The following THAP6 variants were observed in gnomAD, a reference collection of about 807,000 sequenced individuals.
THAP6 encodes THAP domain containing 6, also known as THAP domain-containing protein 6.
A neutral mutation model predicts 20.0 loss-of-function variants in THAP6; 13 were observed. That is an observed-to-expected ratio of 0.65 (90% CI 0.42 to 1.03). THAP6 has a LOEUF of 1.03. Among genes scored for constraint, THAP6 ranks in the 50% least tolerant of loss-of-function variants. The pLI is 0.00. For synonymous variants in THAP6, 93 were observed against 92.2 expected, an observed-to-expected ratio of 1.01 and a Z score of -0.05; for missense variants, 262 against 261.6, an observed-to-expected ratio of 1.00 and a Z score of -0.01.
chr4:75,524,851 G>A (rs1444308648), intron 4 of THAP6, among the ~76,000 whole-genome samples: 1 of 152,004 alleles, frequency 6.6e-6, no homozygotes, highest in Non-Finnish European at 1.5e-5. Context: ...AACCTCCCAG[G>A]CTCAAGCAAT....
At chr4:75,526,152 T>C (rs933072316) in intron 4 of THAP6, among the ~76,000 whole-genome samples, 3 of 152,220 alleles carry the variant, frequency 2.0e-5, no homozygotes, top group Non-Finnish European at 4.4e-5. Context: ...TGGAGCAGTC[T>C]TAGGTCTCAC....
intron 3 of THAP6, among the ~76,000 whole-genome samples, chr4:75,518,742 G>A (rs983579893): frequency 6.6e-6 from 1 of 152,118 alleles, no homozygotes; most frequent in Non-Finnish European, 1.5e-5. Flanking sequence ...TTTAGTCTAC[G>A]TAAGGATTAT....
rs1446346987 is a variant in THAP6, at chr4:75,529,437, A to G, written c.*2223A>G. The G allele has an allele frequency of 1.0e-6, 1 of 985,340 alleles. No individual in the cohort carries two copies. Among genetic ancestry groups the G allele is most frequent in the African/African-American group, 1.7e-5 (1 of 57,242 alleles). The allele number at this position is 985,340 out of a possible 1,614,324, so 61.0% of individuals were successfully genotyped here. Reference sequence around the variant, plus strand: ...TCACTGGACCTAGTATAACTGAGAAATAAATAACTGTGTGCAAAATATTGG... The same window carrying G: ...TCACTGGACCTAGTATAACTGAGAAGTAAATAACTGTGTGCAAAATATTGG... On this transcript the variant is annotated 3_prime_UTR_variant, in exon 5 of 5. Transcript: ENST00000311638.
intron 2 of THAP6, among the ~76,000 whole-genome samples, chr4:75,537,775 C>T (rs75430021): frequency 6.6e-6 from 1 of 152,046 alleles, no homozygotes; most frequent in African/African-American, 2.4e-5. Flanking sequence ...GGAGACTCAG[C>T]GTCCAAGGAG....
At chr4:75,518,990 G>A (rs1254339894) in intron 3 of THAP6, among the ~76,000 whole-genome samples, 1 of 152,114 alleles carries the variant, frequency 6.6e-6, no homozygotes, top group Non-Finnish European at 1.5e-5. Context: ...TTCACAAAGT[G>A]GGTACACTCA....
intron 3 of THAP6, among the ~76,000 whole-genome samples, chr4:75,545,814 A>G (rs1467152771): frequency 6.6e-6 from 1 of 152,224 alleles, no homozygotes; most frequent in African/African-American, 2.4e-5. Context: ...GGCTTCCTCA[A>G]GGCCCAGCAG....
chr4:75,525,614 A>C (rs1301251444), intron 4 of THAP6, among the ~76,000 whole-genome samples: 1 of 152,094 alleles, frequency 6.6e-6, no homozygotes, highest in Non-Finnish European at 1.5e-5. Flanking sequence ...TCTTATTATG[A>C]CTAATGTTTT....
chr4:75,528,277 G>C lies in THAP6; in HGVS notation c.*1063G>C, dbSNP rs1726503193. ...TGAATATGCAAAAGAATAATTCCTT[G>C]TTATTTCCTAATTGATCCAAGTCTC... On this transcript the variant is annotated 3_prime_UTR_variant, in exon 5 of 5. Coordinates refer to ENST00000311638, the MANE Select transcript of THAP6 (RefSeq NM_144721.6). The C allele has an allele frequency of 3.0e-6, 3 of 985,340 alleles. No homozygotes were observed. The highest frequency in any genetic ancestry group is 3.6e-6 in the Non-Finnish European group (3 of 829,892). The allele number at this position is 985,340 out of a possible 1,614,324, so 61.0% of individuals were successfully genotyped here.
chr4:75,523,598 G>A (rs1400674151), intron 4 of THAP6, among the ~76,000 whole-genome samples: 1 of 152,084 alleles, frequency 6.6e-6, no homozygotes, highest in Non-Finnish European at 1.5e-5. Context: ...GAGCTCAGGA[G>A]TTCGAGACCA....
intron 2 of THAP6, among the ~76,000 whole-genome samples, chr4:75,541,678 C>T (rs1309465691): frequency 1.3e-5 from 2 of 151,984 alleles, no homozygotes; most frequent in South Asian, 2.1e-4. Context: ...CAAAACCAGC[C>T]GGGCACAGTG....
downstream of THAP6, among the ~76,000 whole-genome samples, chr4:75,531,823 C>A (rs1053262712): frequency 6.6e-6 from 1 of 151,592 alleles, no homozygotes; most frequent in Non-Finnish European, 1.5e-5. Flanking sequence ...TCATGAGACC[C>A]ATTCACTATT....
chr4:75,530,124 C>G, downstream of THAP6: 1 of 964,476 alleles, frequency 1.0e-6, no homozygotes, highest in Non-Finnish European at 1.2e-6. Context: ...TCTCCTCCAC[C>G]AATAACTCTA....
downstream of THAP6, among the ~76,000 whole-genome samples, chr4:75,533,187 C>T (rs1198283448): frequency 6.6e-6 from 1 of 152,184 alleles, no homozygotes; most frequent in East Asian, 1.9e-4. Context: ...ATTGCTTCCA[C>T]CAGATACCCT....
chr4:75,533,055 G>T (rs117044788), downstream of THAP6, among the ~76,000 whole-genome samples: 17 of 152,288 alleles, frequency 1.1e-4, no homozygotes, highest in East Asian at 3.1e-3. Context: ...CAGAAAATGG[G>T]ATTTTCTTTT....
chr4:75,526,879 A>G, intron 4 of THAP6, 81 bp from the exon 5 acceptor site: 1 of 1,521,898 alleles, frequency 6.6e-7, no homozygotes, highest in Admixed American at 2.2e-5. Flanking sequence ...TTGTAAATGA[A>G]GAAACAGCTT....
chr4:75,540,236 C>A (rs144264263), intron 2 of THAP6, among the ~76,000 whole-genome samples: 1 of 152,318 alleles, frequency 6.6e-6, no homozygotes, highest in Non-Finnish European at 1.5e-5. Flanking sequence ...TCGACTACAT[C>A]ACAAAGCACA....
At chr4:75,543,068 A>G (rs965621537) in intron 3 of THAP6, 13 of 152,504 alleles carry the variant, frequency 8.5e-5, no homozygotes, top group African/African-American at 2.9e-4. Flanking sequence ...GAGTCTGTCT[A>G]GTCACCTGGT....
At chr4:75,524,893 C>T (rs1726270398) in intron 4 of THAP6, among the ~76,000 whole-genome samples, 1 of 152,024 alleles carries the variant, frequency 6.6e-6, no homozygotes, top group Non-Finnish European at 1.5e-5. Flanking sequence ...GTAGCTGGGA[C>T]TTACAGACAT....
At chr4:75,517,993 G>A (rs753381530) in intron 3 of THAP6, among the ~76,000 whole-genome samples, 2 of 152,196 alleles carry the variant, frequency 1.3e-5, no homozygotes, top group Admixed American at 6.5e-5. Context: ...AGCCAAAAGC[G>A]TACCCGCTCC....
Sources: allele counts gnomAD v4.1 joint callset (sites outside exome capture counted in the v4.1 genomes callset), GRCh38; gene constraint gnomAD v4.1.1; transcripts MANE v1.5; gene names NCBI Gene and HGNC (gene_info 2026-07-23, HGNC 2026-07-21).